The following FBXO22 variants were observed in gnomAD, a reference collection of about 807,000 sequenced individuals.
The protein encoded by FBXO22 is F-box protein 22.
FBXO22 carries 13 observed loss-of-function variants against 37.2 expected under a neutral mutation model. The ratio of observed to expected loss-of-function variants is 0.35; its 90% CI spans 0.23 to 0.56. The LOEUF is 0.56. Among genes scored for constraint, FBXO22 ranks in the 20% least tolerant of loss-of-function variants. The pLI, the probability that FBXO22 is intolerant of heterozygous loss-of-function variation, is 0.87. For missense variants in FBXO22, 446 were observed against 509.9 expected (o/e 0.87, Z 1.21); for synonymous variants, 189 against 189.1 (o/e 1.00, Z 0.00).
In FBXO22 at chr15:75,917,304, C is replaced by T. The variant is rs1241497731; in HGVS notation, c.538C>T (p.Pro180Ser). Reference protein sequence around the residue: ...IGESGFALLFPQIEGIKIQPF... With the variant: ...IGESGFALLFSQIEGIKIQPF... ...AGAATCTGGTTTTGCTTTATTATTCCCTCAAATTGAAGGAATAAAAATACA... is the reference window on the plus strand; with the variant it reads ...AGAATCTGGTTTTGCTTTATTATTCTCTCAAATTGAAGGAATAAAAATACA... Residue 180 changes from proline to serine, a missense_variant, in exon 5 of 7, where the codon CCT becomes TCT. Pro to Ser is a moderately conservative substitution (Grantham distance 74). Coordinates refer to ENST00000308275, the MANE Select transcript of FBXO22 (RefSeq NM_147188.3). 1.2e-6 allele frequency: 2 copies of T among 1,610,872 alleles called. No individual in the cohort carries two copies. Among genetic ancestry groups the T allele is most frequent in the South Asian group, 1.1e-5 (1 of 90,854 alleles).
At chr15:75,912,507 T>C (rs1900083012) in intron 2 of FBXO22, among the ~76,000 whole-genome samples, 1 of 152,200 alleles carries the variant, frequency 6.6e-6, no homozygotes, top group Non-Finnish European at 1.5e-5. Flanking sequence ...GAAGGGGGTA[T>C]GTGTCCAGGA....
At chr15:75,914,321 A>G in intron 4 of FBXO22, 116 bp downstream of exon 4, 4 of 689,904 alleles carry the variant, frequency 5.8e-6, no homozygotes. Context: ...CTAAAATACA[A>G]TAAAGTCAGT....
rs1330588131 is a variant in FBXO22 at position 75,935,261 on chromosome 15, AAAAC to A, written c.*2164_*2167del. 1 of 152,196 alleles carries A rather than the reference AAAAC, an allele frequency of 6.6e-6. No homozygotes were observed. Among genetic ancestry groups the A allele is most frequent in the African/African-American group, 2.4e-5 (1 of 41,444 alleles). 9.4% of individuals were successfully genotyped at this position (152,196 alleles called of 1,614,324 possible). On this transcript the variant is annotated 3_prime_UTR_variant, in exon 7 of 7. Transcript: ENST00000308275. ...AGAAGCATTAAAGGAGTATTAGCTA[AAAAC>A]AAACTAAATTCCTAGAGATGACAAT...
intron 5 of FBXO22, 110 bp from the exon 6 acceptor site, chr15:75,929,774 A>T: frequency 8.0e-7 from 1 of 1,256,968 alleles, no homozygotes; most frequent in South Asian, 1.4e-5. Flanking sequence ...TTAAGCCACT[A>T]AATTGCCCTT....
chr15:75,905,910 A>G (rs1027145692), intron 2 of FBXO22, among the ~76,000 whole-genome samples: 1 of 152,216 alleles, frequency 6.6e-6, no homozygotes, highest in African/African-American at 2.4e-5. Context: ...GATGCTTGCC[A>G]AGTGTCTTCA....
intron 5 of FBXO22, among the ~76,000 whole-genome samples, chr15:75,918,278 A>G (rs1442516929): frequency 1.3e-5 from 2 of 152,136 alleles, no homozygotes; most frequent in African/African-American, 2.4e-5. Flanking sequence ...AAAAGGGGGT[A>G]TACACATTGA....
intron 5 of FBXO22, 92 bp from the exon 6 acceptor site, chr15:75,929,792 A>G (rs2029945140): frequency 1.4e-6 from 2 of 1,476,038 alleles, no homozygotes; most frequent in Non-Finnish European, 1.9e-6. Flanking sequence ...CTTAAGGTGG[A>G]GTGCAAGTCA....
rs765865603 is a variant in FBXO22, at chr15:75,930,083, A to T, written c.794+34A>T. 5.0e-6 allele frequency: 8 copies of T among 1,613,368 alleles called. No homozygotes were observed. The East Asian group carries it at 1.8e-4, about 36-fold the overall frequency. On this transcript the variant is annotated intron_variant, in intron 6 of 6. Coordinates refer to ENST00000308275, the MANE Select transcript of FBXO22 (RefSeq NM_147188.3). Reference sequence around the variant, plus strand: ...TGTGTGCTTCTGATTTCGTCTGTGAATGAAGGGAAATGGTCTCAGGTTTTG... The same window carrying T: ...TGTGTGCTTCTGATTTCGTCTGTGATTGAAGGGAAATGGTCTCAGGTTTTG...
rs780414439 is a variant in FBXO22, at chr15:75,941,940, C to CAAAAAAA, written c.*8853_*8859dup. 3 of 24,858 alleles carry CAAAAAAA rather than the reference C, an allele frequency of 1.2e-4. No individual in the cohort carries two copies. Among genetic ancestry groups the CAAAAAAA allele is most frequent in the East Asian group, 1.4e-3 (1 of 700 alleles). The allele number at this position is 24,858 out of a possible 1,614,324, so 1.5% of individuals were successfully genotyped here. A position where few individuals can be genotyped will look rare whatever the true frequency, so the allele number is the denominator to read the frequency against. On this transcript the variant is annotated 3_prime_UTR_variant, in exon 7 of 7. Coordinates refer to ENST00000308275, the MANE Select transcript of FBXO22 (RefSeq NM_147188.3). Reference sequence around the variant, plus strand: ...TTGCCACAGTAAATTTTTAAACCACCAAAAAAAAAAAAAAAAAAAAATATG... The same window carrying CAAAAAAA: ...TTGCCACAGTAAATTTTTAAACCACCAAAAAAAAAAAAAAAAAAAAAAAAAAAATATG...
At chr15:75,913,317 TTC>T in intron 3 of FBXO22, 27 bp downstream of exon 3, 1 of 1,495,640 alleles carries the variant, frequency 6.7e-7, no homozygotes, top group Non-Finnish European at 9.3e-7. Flanking sequence ...AAGCTTTTGC[TTC>T]TGTTTTTTTA....
intron 2 of FBXO22, among the ~76,000 whole-genome samples, chr15:75,906,628 T>A (rs1327937184): frequency 6.6e-6 from 1 of 152,082 alleles, no homozygotes; most frequent in Non-Finnish European, 1.5e-5. Flanking sequence ...ATCTTCTGTT[T>A]CCCCCTTCCT....
In FBXO22 at chr15:75,913,298, T is replaced by G; in HGVS notation, c.367+8T>G. The G allele has an allele frequency of 6.3e-7, 1 of 1,579,662 alleles. No homozygotes were observed. Among genetic ancestry groups the G allele is most frequent in the Non-Finnish European group, 8.7e-7 (1 of 1,152,466 alleles). ...GTCGTGGCCATAAGAGAGGTAAATA[T>G]CAAAAGAAAAGCTTTTGCTTCTGTT... On this transcript the variant is annotated splice_region_variant and intron_variant, in intron 3 of 6. Coordinates refer to ENST00000308275, the MANE Select transcript of FBXO22 (RefSeq NM_147188.3).
rs1479880125 is a variant in FBXO22 at position 75,932,755 on chromosome 15, A to T, written c.865A>T (p.Thr289Ser). The T allele has an allele frequency of 6.2e-7, 1 of 1,614,244 alleles. No individual in the cohort carries two copies. The change falls in exon 7 of 7, where the codon ACT (threonine) becomes TCT (serine). Residue 289 changes from threonine to serine, a missense_variant. Physicochemically the swap from Thr to Ser is moderately conservative, Grantham distance 58. Around this residue, in one of 2 missense-constraint regions of FBXO22, gnomAD observed 315 missense variants for 410.1 expected, o/e 0.77. Coordinates refer to ENST00000308275, the MANE Select transcript of FBXO22 (RefSeq NM_147188.3). Reference protein sequence around the residue: ...SFSGHRIQSATVLLNEDVSDE... With the variant: ...SFSGHRIQSASVLLNEDVSDE... ...TAGTGGACACCGAATCCAGAGTGCC[A>T]CTGTGCTCCTCAACGAGGACGTCAG...
intron 2 of FBXO22, among the ~76,000 whole-genome samples, chr15:75,907,327 G>C (rs1238999233): frequency 6.6e-6 from 1 of 152,072 alleles, no homozygotes; most frequent in African/African-American, 2.4e-5. Context: ...ATAATGAAAA[G>C]GTAATGCATA....
At position 75,917,369 on chromosome 15, in the gene FBXO22, A is replaced by G. The variant is rs779275797; in HGVS notation, c.603A>G (p.Leu201=). 13 of 1,597,928 alleles carry G rather than the reference A, an allele frequency of 8.1e-6. No individual in the cohort carries two copies. The highest frequency in any genetic ancestry group is 1.7e-6 in the Non-Finnish European group (2 of 1,167,418). ...TTAAGGATCCAAAGAATTTAACATT[A>G]GAAAGACATCAACTCACTGAAGTAG... The part of the protein sequence containing the change: ...HFIKDPKNLT[L]ERHQLTEVGL... Residue 201 remains leucine, a synonymous_variant, in exon 5 of 7, where the codon TTA becomes TTG. Transcript: ENST00000308275.
intron 5 of FBXO22, among the ~76,000 whole-genome samples, chr15:75,925,430 C>T (rs535250758): frequency 5.1e-4 from 72 of 139,976 alleles, no homozygotes; most frequent in Admixed American, 2.7e-3. Flanking sequence ...AACTACTTGT[C>T]TTGAATTCTG....
At chr15:75,926,610 C>T (rs911954571) in intron 5 of FBXO22, among the ~76,000 whole-genome samples, 4 of 152,208 alleles carry the variant, frequency 2.6e-5, no homozygotes, top group African/African-American at 9.7e-5. Context: ...AGGCGAGAAT[C>T]TCCATCATTC....
chr15:75,909,677 A>G (rs1639303892), intron 2 of FBXO22, among the ~76,000 whole-genome samples: 1 of 152,206 alleles, frequency 6.6e-6, no homozygotes, highest in African/African-American at 2.4e-5. Flanking sequence ...TGAAAATGAA[A>G]GAGCATGAGT....
At chr15:75,920,666 C>T (rs980539010) in intron 5 of FBXO22, among the ~76,000 whole-genome samples, 1 of 151,730 alleles carries the variant, frequency 6.6e-6, no homozygotes, top group Admixed American at 6.6e-5. Flanking sequence ...TACAAAAAAA[C>T]TAAAAAACTA....
Sources: allele counts gnomAD v4.1 joint callset (sites outside exome capture counted in the v4.1 genomes callset), GRCh38; gene constraint gnomAD v4.1.1; regional missense constraint gnomAD v4.1.1; transcripts MANE v1.5; gene names NCBI Gene and HGNC (gene_info 2026-07-23, HGNC 2026-07-21).